ABCC3: variants seen among roughly 807,000 people sequenced by gnomAD.
ABCC3 encodes ATP-binding cassette sub-family C member 3.
Under a neutral mutation model 165.3 loss-of-function variants are expected in ABCC3, and 121 were observed. That is an observed-to-expected ratio of 0.73 (90% CI 0.63 to 0.85). The LOEUF is 0.85. ABCC3 is among the 40% of genes least tolerant of loss of function. The pLI, the probability that ABCC3 is intolerant of heterozygous loss-of-function variation, is 0.00. For missense variants in ABCC3, 1,869 were observed against 1,964.1 expected (o/e 0.95, Z 0.92); for synonymous variants, 733 against 810.1 (o/e 0.90, Z 1.62).
intron 17 of ABCC3, among the ~76,000 whole-genome samples, chr17:50,670,142 C>T (rs529766994): frequency 2.6e-5 from 4 of 151,654 alleles, no homozygotes; most frequent in South Asian, 2.1e-4. Flanking sequence ...AGTGCAGTGG[C>T]GCAGATCATG....
At position 50,673,609 on chromosome 17, in the gene ABCC3, C is replaced by T; in HGVS notation, c.2550C>T (p.Cys850=). ...QRNGSFANFL[C]NYAPDEDQGH... is the part of the protein sequence containing the mutation. ...ACGGCTCCTTTGCCAACTTTCTCTG[C>T]AACTATGCCCCCGATGAGGACCAAG... The change falls in exon 19 of 31, where the codon TGC becomes TGT. Residue 850 remains cysteine (C), a synonymous_variant. Transcript: ENST00000285238. 1 of 1,614,244 alleles carries T rather than the reference C, an allele frequency of 6.2e-7. No homozygotes were observed. The highest frequency in any genetic ancestry group is 8.5e-7 in the Non-Finnish European group (1 of 1,180,042).
intron 1 of ABCC3, among the ~76,000 whole-genome samples, chr17:50,647,113 G>T (rs1045094669): frequency 5.9e-5 from 9 of 152,210 alleles, no homozygotes; most frequent in Admixed American, 2.6e-4. Context: ...TCCTGACCTC[G>T]TGATCTTCCC....
At chr17:50,648,674 T>C (rs908460745) in intron 1 of ABCC3, among the ~76,000 whole-genome samples, 8 of 152,160 alleles carry the variant, frequency 5.3e-5, no homozygotes, top group Admixed American at 6.5e-5. Flanking sequence ...TGTTTCTTGG[T>C]CCTTGGTCCT....
Position 50,668,507 on chromosome 17 carries a change from C to T in ABCC3, c.1860C>T (p.Thr620=). ...ACCCCCAGAGTGTGGAAAGAAAGAC[C>T]ATCTCCCCAGGTCTAGAGAGCCCCT... ...ELDPQSVERK[T]ISPGYAITIH... Residue 620 remains threonine (T), a synonymous_variant, in exon 14 of 31, where the codon ACC becomes ACT. Transcript: ENST00000285238. 1.2e-6 allele frequency: 2 copies of T among 1,613,820 alleles called. No homozygotes were observed. Among genetic ancestry groups the T allele is most frequent in the African/African-American group, 1.3e-5 (1 of 74,976 alleles).
intron 11 of ABCC3, among the ~76,000 whole-genome samples, chr17:50,666,630 G>A (rs1168844686): frequency 6.6e-6 from 1 of 152,200 alleles, no homozygotes; most frequent in Non-Finnish European, 1.5e-5. Flanking sequence ...TCAGATCATT[G>A]TTTGCTTATT....
chr17:50,663,249 TG>T, intron 8 of ABCC3: 1 of 201,628 alleles, frequency 5.0e-6, no homozygotes, highest in South Asian at 9.2e-5. Context: ...TAGGCAGTGC[TG>T]GGGGCCACTG....
chr17:50,643,396 C>T (rs1232245410), intron 1 of ABCC3, among the ~76,000 whole-genome samples: 1 of 152,238 alleles, frequency 6.6e-6, no homozygotes, highest in African/African-American at 2.4e-5. Flanking sequence ...CTGAATAGGA[C>T]TACTGAATAC....
chr17:50,663,402 A>G (rs1967438357), intron 8 of ABCC3: 1 of 460,912 alleles, frequency 2.2e-6, no homozygotes, highest in African/African-American at 1.9e-5. Flanking sequence ...TCAGGAGGTA[A>G]GAAGGCAGGC....
At position 50,691,752 on chromosome 17, in the gene ABCC3, T is replaced by A. The variant is rs1968128584; in HGVS notation, c.*552T>A. 1 of 152,550 alleles carries A rather than the reference T, an allele frequency of 6.6e-6. No homozygotes were observed. The highest frequency in any genetic ancestry group is 1.5e-5 in the Non-Finnish European group (1 of 68,308). 9.4% of individuals were successfully genotyped at this position (152,550 alleles called of 1,614,324 possible). A position where few individuals can be genotyped will look rare whatever the true frequency, so the allele number is the denominator to read the frequency against. On this transcript the variant is annotated 3_prime_UTR_variant, in exon 31 of 31. Transcript: ENST00000285238. ...TGTTCACAAGGTTTGGGGATTAGGA[T>A]CTTTGGAGGAGGCCAAGAGGAAGAC...
In ABCC3 at chr17:50,635,972, C is replaced by T. The variant is rs143556189; in HGVS notation, c.45+991C>T. The T allele has an allele frequency of 2.3e-3, 440 of 195,178 alleles. 2 individuals are homozygous for T. The highest frequency in any genetic ancestry group is 3.7e-3 in the Non-Finnish European group (340 of 93,030). 12.1% of individuals were successfully genotyped at this position (195,178 alleles called of 1,614,324 possible). On this transcript the variant is annotated intron_variant, in intron 1 of 30. Transcript: ENST00000285238. ...CTAAGACAGGCTGCTCTTCAGCCTG[C>T]TGACTCCAGCCTCCAGCACAGTTCA...
At position 50,672,986 on chromosome 17, in the gene ABCC3, G is replaced by A. The variant is rs750923752; in HGVS notation, c.2257G>A (p.Gly753Arg). 1 of 1,613,888 alleles carries A rather than the reference G, an allele frequency of 6.2e-7. No homozygotes were observed. The highest frequency in any genetic ancestry group is 8.5e-7 in the Non-Finnish European group (1 of 1,179,996). ...EIGEKGINLS[G>R]GQRQRVSLAR... is the part of the protein sequence containing the mutation. Reference sequence around the variant, plus strand: ...CTCCCTCCAGGGCATTAACCTGTCTGGGGGCCAGCGGCAGCGGGTCAGTCT... The same window carrying A: ...CTCCCTCCAGGGCATTAACCTGTCTAGGGGCCAGCGGCAGCGGGTCAGTCT... Residue 753 changes from glycine (G) to arginine (R), a missense_variant, in exon 18 of 31, where the codon GGG (glycine) becomes AGG (arginine). Coordinates refer to ENST00000285238, the MANE Select transcript of ABCC3 (RefSeq NM_003786.4).
chr17:50,644,702 A>G (rs1966965015), intron 1 of ABCC3, among the ~76,000 whole-genome samples: 1 of 150,416 alleles, frequency 6.6e-6, no homozygotes, highest in African/African-American at 2.5e-5. Context: ...ACAGAGTGAG[A>G]CTCCGTCTCA....
chr17:50,668,533 A>G lies in ABCC3; in HGVS notation c.1870+16A>G. On this transcript the variant is annotated intron_variant, in intron 14 of 30. Coordinates refer to ENST00000285238, the MANE Select transcript of ABCC3 (RefSeq NM_003786.4). The stretch of plus-strand genomic sequence containing the variant: ...ATCTCCCCAGGTCTAGAGAGCCCCT[A>G]CCTGGGCTGCCTGCCCCAGTCCTTG... 1.9e-6 allele frequency: 3 copies of G among 1,601,776 alleles called. No individual in the cohort carries two copies. Among genetic ancestry groups the G allele is most frequent in the Non-Finnish European group, 2.6e-6 (3 of 1,170,058 alleles).
At chr17:50,643,953 G>T (rs1292966738) in intron 1 of ABCC3, among the ~76,000 whole-genome samples, 2 of 152,114 alleles carry the variant, frequency 1.3e-5, no homozygotes, top group Admixed American at 1.3e-4. Context: ...GCTGTATTTT[G>T]GGAAGAGCCA....
chr17:50,659,191 C>A (rs981693580), intron 6 of ABCC3, 46 bp from the exon 7 acceptor site: 5 of 1,606,676 alleles, frequency 3.1e-6, no homozygotes, highest in Non-Finnish European at 4.3e-6. Flanking sequence ...GGCTGCTAAA[C>A]CCTGACCCTC....
intron 26 of ABCC3, 96 bp downstream of exon 26, chr17:50,679,995 G>A (rs577954380): frequency 6.8e-5 from 57 of 833,150 alleles, no homozygotes; most frequent in African/African-American, 5.9e-4. Context: ...GGCCTGCCAC[G>A]TATGGGGCTC....
chr17:50,679,198 A>T (rs1967885554), intron 25 of ABCC3: 1 of 152,518 alleles, frequency 6.6e-6, no homozygotes, highest in Admixed American at 6.5e-5. Context: ...ACCTAACTGC[A>T]AACGGAATTT....
intron 1 of ABCC3, chr17:50,643,741 G>C: frequency 2.4e-6 from 1 of 415,552 alleles, no homozygotes; most frequent in South Asian, 1.7e-5. Context: ...AGAGGGACTA[G>C]GTTGAGCAAG....
intron 8 of ABCC3, chr17:50,663,387 A>G (rs961246127): frequency 9.5e-6 from 4 of 421,720 alleles, no homozygotes; most frequent in Admixed American, 7.7e-5. Context: ...TCTTCCCGCC[A>G]TATGTCAGGA....
Sources: allele counts gnomAD v4.1 joint callset (sites outside exome capture counted in the v4.1 genomes callset), GRCh38; gene constraint gnomAD v4.1.1; transcripts MANE v1.5; gene names NCBI Gene and HGNC (gene_info 2026-07-23, HGNC 2026-07-21).